The following DMD variants were observed in gnomAD, a reference collection of about 807,000 sequenced individuals.
The protein encoded by DMD is mutant dystrophin.
In DMD, 63 loss-of-function variants were observed where a neutral mutation model predicts 330.1. The ratio of observed to expected loss-of-function variants is 0.19; its 90% confidence interval spans 0.16 to 0.24. The LOEUF (loss-of-function observed/expected upper bound fraction) is 0.24. Among genes scored for constraint, DMD ranks in the 10% least tolerant of loss-of-function variants. The pLI is 1.00. For synonymous variants in DMD, 1,223 were observed against 959.8 expected (o/e 1.27, Z -5.07); for missense variants, 3,344 against 2,684.1 (o/e 1.25, Z -5.43).
intron 62 of DMD, among the ~76,000 whole-genome samples, chrX:31,283,988 C>T (rs1300950613): frequency 8.9e-6 from 1 of 112,138 alleles, no homozygotes; most frequent in African/African-American, 3.2e-5. Context: ...GTCAAAAATG[C>T]ATTTAACATA....
intron 1 of DMD, among the ~76,000 whole-genome samples, chrX:33,173,183 T>TG (rs1458125795): frequency 9.0e-6 from 1 of 111,444 alleles, no homozygotes; most frequent in Non-Finnish European, 1.9e-5. Context: ...ATCCTTAACT[T>TG]GGAGTCCAGT....
Position 32,276,528 on chromosome X carries a change from G to A in DMD, c.6290+11001C>T, listed in dbSNP as rs6628696. Among the ~76,000 whole-genome samples the A allele has an allele frequency of 4.7e-4, 52 of 111,728 alleles. No homozygotes were observed. The East Asian group carries it at 0.013, about 28-fold the overall frequency. ...TAAAGAGGATTCTGTCTTGCATCTTGGATACCAGCTTAGTCACAGTAGGAT... is the reference window on the plus strand; with the variant it reads ...TAAAGAGGATTCTGTCTTGCATCTTAGATACCAGCTTAGTCACAGTAGGAT... On this transcript the variant is annotated intron_variant, in intron 43 of 78. Coordinates refer to ENST00000357033, the MANE Select transcript of DMD (RefSeq NM_004006.3).
At chrX:31,396,065 GA>G (rs1376150630) in intron 60 of DMD, among the ~76,000 whole-genome samples, 1 of 111,530 alleles carries the variant, frequency 9.0e-6, no homozygotes, top group Non-Finnish European at 1.9e-5. Flanking sequence ...TGCAAAACTG[GA>G]GAACATTGCA....
intron 1 of DMD, among the ~76,000 whole-genome samples, chrX:33,328,203 T>G (rs187377804): frequency 9.0e-6 from 1 of 111,168 alleles, no homozygotes; most frequent in East Asian, 2.9e-4. Context: ...TTGTTTTGTT[T>G]TGTTTTCCTT....
intron 43 of DMD, among the ~76,000 whole-genome samples, chrX:32,249,198 A>T (rs2097253607): frequency 1.8e-5 from 2 of 111,966 alleles, no homozygotes; most frequent in Non-Finnish European, 3.8e-5. Flanking sequence ...TTTAAATGTG[A>T]ACACAACAGT....
intron 41 of DMD, among the ~76,000 whole-genome samples, chrX:32,318,938 G>T (rs1362892781): frequency 9.0e-6 from 1 of 110,864 alleles, no homozygotes; most frequent in East Asian, 2.9e-4. Context: ...GGACAGACCT[G>T]CTCATTGACC....
chrX:32,518,151 A>T lies in DMD; in HGVS notation c.2169-20T>A. 2.5e-6 allele frequency: 3 copies of T among 1,194,842 alleles called. No individual in the cohort carries two copies. Among genetic ancestry groups the T allele is most frequent in the Non-Finnish European group, 3.4e-6 (3 of 881,677 alleles). ...TCCAACCTAAGACAGCAAAAAATAA[A>T]AGTCATTATTTCTTGATTATCTCTT... On this transcript the variant is annotated intron_variant, in intron 17 of 78. Coordinates refer to ENST00000357033, the MANE Select transcript of DMD (RefSeq NM_004006.3).
At chrX:32,408,852 CT>C (rs2098129564) in intron 30 of DMD, among the ~76,000 whole-genome samples, 2 of 105,128 alleles carry the variant, frequency 1.9e-5, no homozygotes, top group Admixed American at 1.1e-4. Context: ...CTATTCCTTT[CT>C]TTTCTTTCTT....
At chrX:31,519,213 G>C (rs2072525938) in intron 55 of DMD, among the ~76,000 whole-genome samples, 1 of 111,937 alleles carries the variant, frequency 8.9e-6, no homozygotes, top group Non-Finnish European at 1.9e-5. Context: ...TGTGCAATTT[G>C]TCTATATTAC....
At chrX:31,970,688 C>T (rs1340045236) in intron 44 of DMD, among the ~76,000 whole-genome samples, 2 of 110,931 alleles carry the variant, frequency 1.8e-5, no homozygotes, top group Non-Finnish European at 3.8e-5. Context: ...GGGCTCTATG[C>T]CACTGTATGA....
chrX:32,793,912 G>A (rs941315482), intron 7 of DMD, among the ~76,000 whole-genome samples: 1 of 111,297 alleles, frequency 9.0e-6, no homozygotes, highest in African/African-American at 3.3e-5. Context: ...GCATTACCCT[G>A]ATGCCAAACC....
chrX:32,256,210 C>T (rs778178801), intron 43 of DMD, among the ~76,000 whole-genome samples: 1 of 111,019 alleles, frequency 9.0e-6, no homozygotes, highest in African/African-American at 3.3e-5. Flanking sequence ...CTTCTTGTTG[C>T]GTTGCTCCCT....
intron 48 of DMD, among the ~76,000 whole-genome samples, chrX:31,845,562 T>G (rs1307512059): frequency 2.7e-5 from 3 of 110,469 alleles, no homozygotes; most frequent in Non-Finnish European, 5.7e-5. Flanking sequence ...GGAGGCAAGA[T>G]TTTAAGGATA....
chrX:32,988,541 T>C (rs767154534), intron 2 of DMD, among the ~76,000 whole-genome samples: 7 of 112,478 alleles, frequency 6.2e-5, no homozygotes, highest in Non-Finnish European at 1.1e-4. Flanking sequence ...CCAGCCACAT[T>C]GCTCACAATT....
intron 44 of DMD, among the ~76,000 whole-genome samples, chrX:31,972,105 AG>A (rs965843461): frequency 4.5e-5 from 5 of 111,800 alleles, no homozygotes; most frequent in Non-Finnish European, 9.4e-5. Context: ...GGTATATGAA[AG>A]AGATACACTA....
Position 31,355,902 on chromosome X carries a change from T to G in DMD, c.9085-7268A>C, listed in dbSNP as rs758805418. On this transcript the variant is annotated intron_variant, in intron 60 of 78. Transcript: ENST00000357033. ...AAAAAAAGTCTGAGATAAGTTCTGG[T>G]CTTGATTTCAAACTCTCCTGGGCCT... is the stretch of plus-strand genomic sequence containing the variant. Among the ~76,000 whole-genome samples, 130 of 108,246 alleles carry G rather than the reference T, an allele frequency of 1.2e-3. 1 individual carries two copies. Among genetic ancestry groups the G allele is most frequent in the Non-Finnish European group, 2.0e-3 (105 of 52,288 alleles). The allele number at this position is 108,246 out of a possible 115,157, so 94.0% of individuals were successfully genotyped here.
upstream of DMD, among the ~76,000 whole-genome samples, chrX:33,214,841 C>A (rs760870472): frequency 7.2e-5 from 8 of 111,392 alleles, no homozygotes; most frequent in East Asian, 2.3e-3. Flanking sequence ...TTTTTAGAGA[C>A]AGGGTCTTGT....
chrX:32,968,795 C>G (rs1208588907), intron 2 of DMD, among the ~76,000 whole-genome samples: 8 of 107,622 alleles, frequency 7.4e-5, no homozygotes, highest in Non-Finnish European at 1.5e-4. Flanking sequence ...TTTGGGAGGC[C>G]AGGGTGGGTG....
intron 17 of DMD, among the ~76,000 whole-genome samples, chrX:32,537,722 T>G (rs2048118339): frequency 9.0e-6 from 1 of 111,714 alleles, no homozygotes; most frequent in Non-Finnish European, 1.9e-5. Context: ...AAAACTGACT[T>G]TTATTTGCAC....
Sources: gnomAD v4.1 joint callset for allele counts (sites outside exome capture counted in the v4.1 genomes callset) on GRCh38, gnomAD v4.1.1 for gene constraint, MANE v1.5 for transcripts, NCBI Gene and HGNC (gene_info 2026-07-23, HGNC 2026-07-21) for gene names.